The following RNF144B variants were observed in gnomAD, a reference collection of about 807,000 sequenced individuals.
RNF144B encodes E3 ubiquitin-protein ligase RNF144B.
A neutral mutation model predicts 40.2 loss-of-function variants in RNF144B; 25 were observed. The observed-to-expected ratio is 0.62, with a 90% CI of 0.45 to 0.87. The LOEUF (loss-of-function observed/expected upper bound fraction) is 0.87, where lower values mean the gene tolerates loss of function less well. Among genes scored for constraint, RNF144B ranks in the 40% least tolerant of loss-of-function variants. The probability of loss-of-function intolerance (pLI) is 0.00; values close to 1 mark genes in which losing one functional copy is unlikely to be tolerated. For synonymous variants in RNF144B, 145 were observed against 136.3 expected (o/e 1.06, Z -0.44); for missense variants, 365 against 373.7 (o/e 0.98, Z 0.19).
At position 18,398,379 on chromosome 6, in the gene RNF144B, A is replaced by G. The variant is rs1794732362; in HGVS notation, c.-36-1120A>G. Among the ~76,000 whole-genome samples, 1 of 151,254 alleles carries G rather than the reference A, an allele frequency of 6.6e-6. No homozygotes were observed. Reference sequence around the variant, plus strand: ...TTTTGTTTGTTCTTCTGTCTTTTTAATTTTTTATTTTTTGAGACGTTTCAT... The same window carrying G: ...TTTTGTTTGTTCTTCTGTCTTTTTAGTTTTTTATTTTTTGAGACGTTTCAT... On this transcript the variant is annotated intron_variant, in intron 1 of 7. Coordinates refer to ENST00000259939, the MANE Select transcript of RNF144B (RefSeq NM_182757.4). The surrounding 1 kb of genome is among the most constrained non-coding windows in gnomAD (Gnocchi z 5.0).
chr6:18,443,348 C>T lies in RNF144B; in HGVS notation c.331+3604C>T, dbSNP rs1759008357. 1.3e-5 allele frequency among the ~76,000 whole-genome samples: 2 copies of T among 152,148 alleles called. No homozygotes were observed. The highest frequency in any genetic ancestry group is 2.1e-4 in the South Asian group (1 of 4,822). ...CACGAACTCTGCCCACTGCAACTTC[C>T]GCCTCCTGGGTTCAAGCGATTCTCC... On this transcript the variant is annotated intron_variant, in intron 4 of 7. Transcript: ENST00000259939. This position sits in a 1 kb window ranked among gnomAD's most constrained non-coding sequence, Gnocchi z 4.7.
intron 3 of RNF144B, among the ~76,000 whole-genome samples, chr6:18,431,859 T>C (rs1395624142): frequency 6.6e-6 from 1 of 152,224 alleles, no homozygotes; most frequent in African/African-American, 2.4e-5. Context: ...ACCTGCCTTC[T>C]TGATTTTTCC....
chr6:18,426,722 A>G (rs74760374), intron 2 of RNF144B, among the ~76,000 whole-genome samples: 2,089 of 135,988 alleles, frequency 0.015, 25 homozygotes, highest in Middle Eastern at 0.048. Context: ...TTCTTTTTCT[A>G]TTCAATTTCT....
intron 3 of RNF144B, among the ~76,000 whole-genome samples, chr6:18,433,825 CT>C (rs1330251984): frequency 6.6e-6 from 1 of 152,158 alleles, no homozygotes; most frequent in African/African-American, 2.4e-5. Context: ...GGTGAATGTG[CT>C]GTTTTTCTCC....
rs1422436162 is a variant in RNF144B, at chr6:18,398,630, G to A, written c.-36-869G>A. 6.6e-6 allele frequency among the ~76,000 whole-genome samples: 1 copy of A among 152,312 alleles called. No homozygotes were observed. The highest frequency in any genetic ancestry group is 1.5e-5 in the Non-Finnish European group (1 of 68,026). ...GCTGGTCTTGAACTCCTGACCTCAA[G>A]CAATCCACCTGCCTCGGCCTCCCAC... On this transcript the variant is annotated intron_variant, in intron 1 of 7. Transcript: ENST00000259939. This position sits in a 1 kb window ranked among gnomAD's most constrained non-coding sequence, Gnocchi z 5.0.
rs114455367 is a variant in RNF144B at position 18,468,138 on chromosome 6, G to T, written c.*3071G>T. On this transcript the variant is annotated 3_prime_UTR_variant, in exon 8 of 8. Coordinates refer to ENST00000259939, the MANE Select transcript of RNF144B (RefSeq NM_182757.4). Reference sequence around the variant, plus strand: ...GATGCTATGGCAAGAATCTTTTTGTGTTTGGAGTGTAGTCCATTTGCAATA... The same window carrying T: ...GATGCTATGGCAAGAATCTTTTTGTTTTTGGAGTGTAGTCCATTTGCAATA... 0.041 allele frequency: 6,170 copies of T among 152,212 alleles called. 221 individuals carry two copies. The highest frequency in any genetic ancestry group is 0.11 in the Admixed American group (1,668 of 15,294). 9.4% of individuals were successfully genotyped at this position (152,212 alleles called of 1,614,324 possible).
chr6:18,404,886 T>A (rs12204533), intron 2 of RNF144B, among the ~76,000 whole-genome samples: 96,863 of 151,862 alleles, frequency 0.64, 31,129 homozygotes, highest in Middle Eastern at 0.69. Flanking sequence ...CATTTTAAGT[T>A]CCTTTTATTG....
rs940013709 is a variant in RNF144B, at chr6:18,442,036, C to T, written c.331+2292C>T. Among the ~76,000 whole-genome samples the T allele has an allele frequency of 2.6e-5, 4 of 152,126 alleles. No homozygotes were observed. The highest frequency in any genetic ancestry group is 9.7e-5 in the African/African-American group (4 of 41,402). Reference sequence around the variant, plus strand: ...TACTGAAGTAGATATTATTGATTGTCTTGTTGTCAGTGGGATTAGAACACT... The same window carrying T: ...TACTGAAGTAGATATTATTGATTGTTTTGTTGTCAGTGGGATTAGAACACT... On this transcript the variant is annotated intron_variant, in intron 4 of 7. Coordinates refer to ENST00000259939, the MANE Select transcript of RNF144B (RefSeq NM_182757.4). The surrounding 1 kb of genome is among the most constrained non-coding windows in gnomAD (Gnocchi z 4.3).
chr6:18,444,037 A>G lies in RNF144B; in HGVS notation c.331+4293A>G, dbSNP rs749709639. Reference sequence around the variant, plus strand: ...AAAAAATCATCCTTAGTTTTTTCCAATTCTTAGTGCCTGCCAAGTTCTTTT... The same window carrying G: ...AAAAAATCATCCTTAGTTTTTTCCAGTTCTTAGTGCCTGCCAAGTTCTTTT... On this transcript the variant is annotated intron_variant, in intron 4 of 7. Coordinates refer to ENST00000259939, the MANE Select transcript of RNF144B (RefSeq NM_182757.4). This position sits in a 1 kb window ranked among gnomAD's most constrained non-coding sequence, Gnocchi z 4.3. Among the ~76,000 whole-genome samples the G allele has an allele frequency of 7.1e-4, 108 of 152,162 alleles. No homozygotes were observed. The highest frequency in any genetic ancestry group is 1.6e-3 in the African/African-American group (68 of 41,440).
At chr6:18,388,348 G>A (rs1307266542) in intron 1 of RNF144B, among the ~76,000 whole-genome samples, 7 of 152,272 alleles carry the variant, frequency 4.6e-5, no homozygotes, top group African/African-American at 1.7e-4. Context: ...ATTTCTGGAC[G>A]TTTATTTGAA....
intron 1 of RNF144B, among the ~76,000 whole-genome samples, chr6:18,393,235 G>T (rs551833735): frequency 6.6e-6 from 1 of 152,324 alleles, no homozygotes; most frequent in South Asian, 2.1e-4. Flanking sequence ...TTAGGTTAGG[G>T]CATGCATTAG....
rs480936 is a variant in RNF144B at position 18,465,479 on chromosome 6, G to A, written c.*412G>A. Reference sequence around the variant, plus strand: ...GAGTCTGTTCTGTGTTGATTTGACTGCCATGAGAAACACAGGGGAAACCTG... The same window carrying A: ...GAGTCTGTTCTGTGTTGATTTGACTACCATGAGAAACACAGGGGAAACCTG... On this transcript the variant is annotated 3_prime_UTR_variant, in exon 8 of 8. Coordinates refer to ENST00000259939, the MANE Select transcript of RNF144B (RefSeq NM_182757.4). The A allele has an allele frequency of 0.96, 155,508 of 162,088 alleles. 74,745 individuals are homozygous for A. The highest frequency in any genetic ancestry group is 0.99 in the Non-Finnish European group (74,021 of 74,636). 10.0% of individuals were successfully genotyped at this position (162,088 alleles called of 1,614,324 possible).
intron 4 of RNF144B, 34 bp downstream of exon 4, chr6:18,439,778 GT>G (rs762166333): frequency 1.4e-6 from 2 of 1,454,498 alleles, no homozygotes; most frequent in South Asian, 2.3e-5. Context: ...GATGATGAAT[GT>G]GGTTTTACAT....
intron 4 of RNF144B, among the ~76,000 whole-genome samples, chr6:18,454,143 T>C (rs1366246894): frequency 6.6e-6 from 1 of 152,074 alleles, no homozygotes; most frequent in Non-Finnish European, 1.5e-5. Flanking sequence ...CCTCACACAG[T>C]TGGGTTCAAA....
At chr6:18,402,815 G>A (rs1794819742) in intron 2 of RNF144B, among the ~76,000 whole-genome samples, 1 of 152,192 alleles carries the variant, frequency 6.6e-6, no homozygotes, top group South Asian at 2.1e-4. Context: ...TCTTGTTAAA[G>A]GATGTTCTAG....
At chr6:18,438,512 A>C (rs1758877396) in intron 3 of RNF144B, among the ~76,000 whole-genome samples, 1 of 152,196 alleles carries the variant, frequency 6.6e-6, no homozygotes, top group Non-Finnish European at 1.5e-5. Context: ...AATGAGGAAG[A>C]CCAAACTTGT....
chr6:18,428,390 A>G (rs1410389833), intron 3 of RNF144B, among the ~76,000 whole-genome samples: 1 of 152,222 alleles, frequency 6.6e-6, no homozygotes, highest in Middle Eastern at 3.2e-3. Flanking sequence ...GCAGTTATGG[A>G]AAATATAAAC....
intron 3 of RNF144B, among the ~76,000 whole-genome samples, chr6:18,437,464 G>C (rs901067409): frequency 6.6e-5 from 10 of 152,178 alleles, no homozygotes; most frequent in African/African-American, 2.4e-4. Flanking sequence ...TACAAAAGAT[G>C]CAAGTCTAAA....
At position 18,414,455 on chromosome 6, in the gene RNF144B, G is replaced by A. The variant is rs1340510733; in HGVS notation, c.166-13126G>A. ...ATGCTGGCTTTGTAGGTTATATCCT[G>A]TAGGAAAAAATGTTGGTGATGAGTT... On this transcript the variant is annotated intron_variant, in intron 2 of 7. Transcript: ENST00000259939. The surrounding 1 kb of genome is among the most constrained non-coding windows in gnomAD (Gnocchi z 4.9). 6.6e-6 allele frequency among the ~76,000 whole-genome samples: 1 copy of A among 152,162 alleles called. No homozygotes were observed. The highest frequency in any genetic ancestry group is 1.5e-5 in the Non-Finnish European group (1 of 68,012).
Sources: gnomAD v4.1 joint callset for allele counts (sites outside exome capture counted in the v4.1 genomes callset) on GRCh38, gnomAD v4.1.1 for gene constraint, Gnocchi (gnomAD v3.1) non-coding constraint, MANE v1.5 for transcripts, NCBI Gene and HGNC (gene_info 2026-07-23, HGNC 2026-07-21) for gene names.